Variants in DBT observed in about 807,000 individuals in gnomAD.
The protein encoded by DBT is lipoamide acyltransferase component of branched-chain alpha-keto acid dehydrogenase complex, mitochondrial.
DBT carries 40 observed loss-of-function variants against 51.3 expected under a neutral mutation model. The observed-to-expected ratio is 0.78, with a 90% confidence interval of 0.61 to 1.02. The LOEUF is 1.02. DBT is among the 50% of genes least tolerant of loss of function. The pLI is 0.00. For missense variants in DBT, 510 were observed against 580.2 expected (o/e 0.88, Z 1.24); for synonymous variants, 181 against 190.4 (o/e 0.95, Z 0.41).
intron 10 of DBT, among the ~76,000 whole-genome samples, chr1:100,204,757 A>T (rs1289561471): frequency 6.6e-6 from 1 of 152,186 alleles, no homozygotes; most frequent in Admixed American, 6.5e-5. Context: ...CAAAACAGAG[A>T]GATAGACCAA....
rs1301034838 is a variant in DBT at position 100,196,308 on chromosome 1, A to C, written c.1396T>G (p.Leu466Val). The C allele has an allele frequency of 6.2e-7, 1 of 1,613,994 alleles. No individual in the cohort carries two copies. The highest frequency in any genetic ancestry group is 8.5e-7 in the Non-Finnish European group (1 of 1,180,002). Reference sequence around the variant, plus strand: ...GGGTTTTCTAAATAGGATTTCCACAAATTGGAGAAGCGTGACATTGTAGCA... The same window carrying C: ...GGGTTTTCTAAATAGGATTTCCACACATTGGAGAAGCGTGACATTGTAGCA... ...DGATMSRFSN[L>V]WKSYLENPAF... The change falls in exon 11 of 11, where the codon TTG becomes GTG. Residue 466 changes from leucine (L) to valine (V), a missense_variant. Leu to Val is a conservative substitution (Grantham distance 32, BLOSUM62 1). Coordinates refer to ENST00000370132, the MANE Select transcript of DBT (RefSeq NM_001918.5).
intron 7 of DBT, among the ~76,000 whole-genome samples, chr1:100,212,075 T>C (rs1183377235): frequency 1.3e-5 from 2 of 152,154 alleles, no homozygotes; most frequent in African/African-American, 4.8e-5. Flanking sequence ...CCCAGCCAAC[T>C]TGAAAGTTTT....
intron 7 of DBT, among the ~76,000 whole-genome samples, chr1:100,211,465 T>C (rs995985323): frequency 1.3e-5 from 2 of 152,202 alleles, no homozygotes; most frequent in South Asian, 2.1e-4. Context: ...TGGCCATGCA[T>C]TGTATTGAAT....
At chr1:100,200,475 G>A (rs986308982) in intron 10 of DBT, among the ~76,000 whole-genome samples, 33 of 152,208 alleles carry the variant, frequency 2.2e-4, no homozygotes, top group African/African-American at 6.0e-4. Flanking sequence ...GGCTGTGGGC[G>A]CAGCTTCAGC....
intron 1 of DBT, among the ~76,000 whole-genome samples, chr1:100,242,192 CAG>C (rs1257157024): frequency 2.0e-5 from 3 of 151,512 alleles, no homozygotes; most frequent in Admixed American, 6.6e-5. Context: ...ATGTATGTAA[CAG>C]AGTCACTTTT....
chr1:100,227,723 T>C (rs1171145311), intron 4 of DBT, among the ~76,000 whole-genome samples: 2 of 152,260 alleles, frequency 1.3e-5, no homozygotes, highest in African/African-American at 2.4e-5. Context: ...AGATGTTAAG[T>C]GTATCCTGAT....
At position 100,240,792 on chromosome 1, in the gene DBT, A is replaced by C; in HGVS notation, c.144T>G (p.Ser48Arg). 6.2e-7 allele frequency: 1 copy of C among 1,605,958 alleles called. No individual in the cohort carries two copies. The highest frequency in any genetic ancestry group is 8.5e-7 in the Non-Finnish European group (1 of 1,173,248). ...CFFGYPSFKY[S>R]HPHHFLKTTA... ...TTGTTTTCAGGAAGTGATGTGGATG[A>C]CTATACTTGAATGAAGGATAACCAA... Residue 48 changes from serine (S) to arginine (R), a missense_variant, in exon 2 of 11, where the codon AGT becomes AGG. Coordinates refer to ENST00000370132, the MANE Select transcript of DBT (RefSeq NM_001918.5).
chr1:100,211,585 T>C (rs1662141970), intron 7 of DBT, among the ~76,000 whole-genome samples: 1 of 152,222 alleles, frequency 6.6e-6, no homozygotes, highest in African/African-American at 2.4e-5. Context: ...TGTGTTATTC[T>C]TCTCAGTGCA....
Position 100,192,102 on chromosome 1 carries a change from C to T in DBT, c.*4153G>A, listed in dbSNP as rs1310858158. 6.6e-6 allele frequency: 1 copy of T among 152,116 alleles called. No individual in the cohort carries two copies. The highest frequency in any genetic ancestry group is 1.5e-5 in the Non-Finnish European group (1 of 68,072). 9.4% of individuals were successfully genotyped at this position (152,116 alleles called of 1,614,324 possible). On this transcript the variant is annotated 3_prime_UTR_variant, in exon 11 of 11. Coordinates refer to ENST00000370132, the MANE Select transcript of DBT (RefSeq NM_001918.5). The stretch of plus-strand genomic sequence containing the variant: ...GCATGAGCCACTGTGTCCGGCCTCT[C>T]TTGGTGATTTTGACTGGAAATGATG...
rs1488542512 is a variant in DBT, at chr1:100,218,674, T to C, written c.507A>G (p.Arg169=). The C allele has an allele frequency of 1.2e-6, 2 of 1,614,122 alleles. No individual in the cohort carries two copies. Among genetic ancestry groups the C allele is most frequent in the Admixed American group, 1.7e-5 (1 of 60,016 alleles). The change falls in exon 5 of 11, where the codon CGA becomes CGG. Residue 169 remains arginine (R), a synonymous_variant. Transcript: ENST00000370132. ...GAACTGCAGGAGTTGCCAGTGTTTT[T>C]CGGCCCTTTATCTCTTGGTGTGTAT... ...DEHTHQEIKG[R]KTLATPAVRR...
rs1161001732 is a variant in DBT, at chr1:100,191,749, TAC to T, written c.*4504_*4505del. 167 of 49,010 alleles carry T rather than the reference TAC, an allele frequency of 3.4e-3. No homozygotes were observed. Among genetic ancestry groups the T allele is most frequent in the African/African-American group, 6.4e-3 (161 of 24,984 alleles). 3.0% of individuals were successfully genotyped at this position (49,010 alleles called of 1,614,324 possible). A position where few individuals can be genotyped will look rare whatever the true frequency, so the allele number is the denominator to read the frequency against. On this transcript the variant is annotated 3_prime_UTR_variant, in exon 11 of 11. Transcript: ENST00000370132. ...GTGTGTATATATATGTGTGTGTGTA[TAC>T]ACACACACACACACACACACACACA... is the stretch of plus-strand genomic sequence containing the variant.
At chr1:100,226,312 G>T (rs1663202066) in intron 4 of DBT, among the ~76,000 whole-genome samples, 2 of 126,038 alleles carry the variant, frequency 1.6e-5, no homozygotes, top group Non-Finnish European at 3.2e-5. Flanking sequence ...TTGAGACAGG[G>T]TCCTGTTGTT....
chr1:100,222,474 G>A (rs899340827), intron 4 of DBT, among the ~76,000 whole-genome samples: 2 of 152,172 alleles, frequency 1.3e-5, no homozygotes, highest in Non-Finnish European at 1.5e-5. Flanking sequence ...TAACAAAGTG[G>A]TTAGGAGCAT....
At position 100,230,801 on chromosome 1, in the gene DBT, TAG is replaced by T. The variant is rs753574354; in HGVS notation, c.363_364del (p.Tyr122LeufsTer2). 3.7e-6 allele frequency: 6 copies of T among 1,610,798 alleles called. No homozygotes were observed. Among genetic ancestry groups the T allele is most frequent in the South Asian group, 1.1e-5 (1 of 90,976 alleles). The stretch of plus-strand genomic sequence containing the variant: ...ATAGGCAATATCGTCTAGATTATAA[TAG>T]AGTTTTTTAATGACTCCATCATAAC... On this transcript the variant is annotated frameshift_variant, in exon 4 of 11. Transcript: ENST00000370132. LOFTEE classifies it high-confidence loss of function.
chr1:100,206,564 T>G lies in DBT; in HGVS notation c.1090A>C (p.Ile364Leu), dbSNP rs1364929290. The change falls in exon 9 of 11, where the codon ATC becomes CTC. Residue 364 changes from isoleucine (I) to leucine (L), a missense_variant. Transcript: ENST00000370132. ...GTGGCGATGTCAAATATAGAGCAGA[T>G]CTGAACATTTTTCACATTAGGGACA... ...LIVPNVKNVQ[I>L]CSIFDIATEL... 6.2e-7 allele frequency: 1 copy of G among 1,612,190 alleles called. No individual in the cohort carries two copies. The highest frequency in any genetic ancestry group is 1.3e-5 in the African/African-American group (1 of 75,000).
chr1:100,206,367 G>A (rs1243110561), intron 9 of DBT, 66 bp from the exon 10 acceptor site: 4 of 1,562,210 alleles, frequency 2.6e-6, no homozygotes, highest in Non-Finnish European at 3.5e-6. Flanking sequence ...CAAATGCCAA[G>A]TGACTTTTCT....
At chr1:100,210,856 G>T in intron 7 of DBT, 85 bp from the exon 8 acceptor site, 1 of 1,582,724 alleles carries the variant, frequency 6.3e-7, no homozygotes, top group Non-Finnish European at 8.6e-7. Context: ...TATAAAAGGA[G>T]GGAGAGAGAG....
chr1:100,208,723 C>T (rs912445792), intron 8 of DBT, among the ~76,000 whole-genome samples: 3 of 150,424 alleles, frequency 2.0e-5, no homozygotes, highest in African/African-American at 7.3e-5. Flanking sequence ...CATGGCAAGA[C>T]CCCATTTCTA....
chr1:100,220,718 G>T (rs1662800528), intron 4 of DBT, among the ~76,000 whole-genome samples: 1 of 152,204 alleles, frequency 6.6e-6, no homozygotes, highest in Non-Finnish European at 1.5e-5. Context: ...GAACAGATTG[G>T]CTCAAGGTGA....
Sources: allele counts gnomAD v4.1 joint callset (sites outside exome capture counted in the v4.1 genomes callset), GRCh38; gene constraint gnomAD v4.1.1; transcripts MANE v1.5; gene names NCBI Gene and HGNC (gene_info 2026-07-23, HGNC 2026-07-21).